PCDHA3: variants seen among roughly 807,000 people sequenced by gnomAD.
PCDHA3 encodes the protein protocadherin alpha-3.
In PCDHA3, 41 loss-of-function variants were observed where a neutral mutation model predicts 62.2. The observed-to-expected ratio is 0.66, with a 90% CI of 0.51 to 0.86. The LOEUF (loss-of-function observed/expected upper bound fraction) is 0.86. Ranked by LOEUF, PCDHA3 falls within the 40% of genes least tolerant of loss-of-function variation. PCDHA3 has a pLI of 0.00. For missense variants in PCDHA3, 1,304 were observed against 1,241.2 expected (o/e 1.05, Z -0.76); for synonymous variants, 640 against 555.4 (o/e 1.15, Z -2.14).
intron 1 of PCDHA3, among the ~76,000 whole-genome samples, chr5:140,930,805 A>T (rs2087129378): frequency 6.6e-6 from 1 of 152,218 alleles, no homozygotes; most frequent in Non-Finnish European, 1.5e-5. Flanking sequence ...CCAGCATATA[A>T]GATATGCTTA....
At position 140,859,256 on chromosome 5, in the gene PCDHA3, G is replaced by T. The variant is rs182882850; in HGVS notation, c.2394+55665G>T. ...TCATGCTTATGTTTAATAATGAAGA[G>T]AATTTGAACACTTTTTACTTTTGAG... is the stretch of plus-strand genomic sequence containing the variant. On this transcript the variant is annotated intron_variant, in intron 1 of 3. Coordinates refer to ENST00000522353, the MANE Select transcript of PCDHA3 (RefSeq NM_018906.3). The T allele has an allele frequency of 2.0e-4, 26 of 131,456 alleles. 1 individual carries two copies. The East Asian group carries it at 5.2e-3, about 26-fold the overall frequency. The allele number at this position is 131,456 out of a possible 1,614,324, so 8.1% of individuals were successfully genotyped here.
At chr5:140,919,713 G>C (rs1370532221) in intron 1 of PCDHA3, among the ~76,000 whole-genome samples, 1 of 152,096 alleles carries the variant, frequency 6.6e-6, no homozygotes, top group African/African-American at 2.4e-5. Context: ...ATTCTAGTGA[G>C]ATATAAATAT....
At chr5:140,836,780 T>G in intron 1 of PCDHA3, 1 of 1,484,830 alleles carries the variant, frequency 6.7e-7, no homozygotes, top group East Asian at 2.3e-5. Flanking sequence ...TTTAAAACAA[T>G]TAGTTCAATT....
At chr5:140,918,560 G>A (rs1243205653) in intron 1 of PCDHA3, among the ~76,000 whole-genome samples, 1 of 152,180 alleles carries the variant, frequency 6.6e-6, no homozygotes, top group Non-Finnish European at 1.5e-5. Context: ...TGAGAAGAAT[G>A]TATATTATGC....
intron 1 of PCDHA3, chr5:140,856,437 C>T (rs2043996083): frequency 1.9e-6 from 3 of 1,598,304 alleles, no homozygotes; most frequent in Non-Finnish European, 1.7e-6. Flanking sequence ...GACAACCCGC[C>T]CAGGTTCTCC....
Position 140,918,290 on chromosome 5 carries a change from C to A in PCDHA3, c.2395-60659C>A, listed in dbSNP as rs188994807. ...TTTATCAGATGTAGGAGCTTTTTGG[C>A]AGAGAATATAGGGTTTTCTAGGTAT... On this transcript the variant is annotated intron_variant, in intron 1 of 3. Transcript: ENST00000522353. Among the ~76,000 whole-genome samples the A allele has an allele frequency of 2.1e-3, 321 of 152,226 alleles. 1 individual carries two copies. Among genetic ancestry groups the A allele is most frequent in the African/African-American group, 7.5e-3 (313 of 41,534 alleles).
At chr5:140,967,783 C>T (rs1554229939) in intron 1 of PCDHA3, 1 of 1,614,186 alleles carries the variant, frequency 6.2e-7, no homozygotes, top group Admixed American at 1.7e-5. Flanking sequence ...AGGCGACTGA[C>T]CGGGGTCCAG....
At chr5:140,862,741 G>A (rs2153223703) in intron 1 of PCDHA3, 1 of 577,348 alleles carries the variant, frequency 1.7e-6, no homozygotes. Context: ...CTATGTGTGG[G>A]TGCACGCGGA....
intron 1 of PCDHA3, chr5:140,857,722 C>T (rs371525843): frequency 4.4e-6 from 7 of 1,597,318 alleles, no homozygotes; most frequent in African/African-American, 2.7e-5. Flanking sequence ...TGGACGAGAA[C>T]GACAACGCTC....
intron 1 of PCDHA3, among the ~76,000 whole-genome samples, chr5:140,908,899 C>CT (rs1382483322): frequency 6.6e-6 from 1 of 152,194 alleles, no homozygotes; most frequent in Non-Finnish European, 1.5e-5. Flanking sequence ...AAATAAGCCT[C>CT]TTTCGTGGTT....
chr5:140,972,515 G>A (rs572041832), intron 1 of PCDHA3, among the ~76,000 whole-genome samples: 1 of 152,166 alleles, frequency 6.6e-6, no homozygotes, highest in South Asian at 2.1e-4. Flanking sequence ...TTTACCCCCA[G>A]TGAGCTTATT....
At chr5:140,869,669 T>A in intron 1 of PCDHA3, 1 of 1,613,476 alleles carries the variant, frequency 6.2e-7, no homozygotes, top group South Asian at 1.1e-5. Flanking sequence ...GGTAAGCAGA[T>A]TAAAAGACTG....
intron 1 of PCDHA3, among the ~76,000 whole-genome samples, chr5:140,819,469 A>G (rs1456251463): frequency 6.6e-6 from 1 of 152,158 alleles, no homozygotes; most frequent in African/African-American, 2.4e-5. Flanking sequence ...ACTTCTGTTT[A>G]CACAATGATG....
intron 1 of PCDHA3, chr5:140,870,783 C>A: frequency 6.2e-7 from 1 of 1,613,598 alleles, no homozygotes; most frequent in Non-Finnish European, 8.5e-7. Context: ...AGAACGACAA[C>A]GCGCCGGCAC....
rs17844259 is a variant in PCDHA3 at position 140,802,489 on chromosome 5, G to A, written c.1292G>A (p.Gly431Asp). Reference sequence around the variant, plus strand: ...CTGGTGGTGACTGCTCGGGACGGGGGCTCGCCTTCACTGTGGGCCACGGCC... The same window carrying A: ...CTGGTGGTGACTGCTCGGGACGGGGACTCGCCTTCACTGTGGGCCACGGCC... The part of the protein sequence containing the change: ...YELVVTARDG[G>D]SPSLWATASV... Residue 431 changes from glycine (G) to aspartate (D), a missense_variant, in exon 1 of 4, where the codon GGC becomes GAC. Gly to Asp is a moderately conservative substitution (Grantham distance 94, BLOSUM62 -1). Coordinates refer to ENST00000522353, the MANE Select transcript of PCDHA3 (RefSeq NM_018906.3). The A allele has an allele frequency of 4.7e-4, 756 of 1,614,176 alleles. 7 individuals are homozygous for A. The East Asian group carries it at 0.016, about 34-fold the overall frequency.
intron 1 of PCDHA3, chr5:140,861,434 CA>C: frequency 4.1e-6 from 2 of 489,520 alleles, no homozygotes; most frequent in Non-Finnish European, 4.2e-6. Context: ...AGTTGGATTC[CA>C]AAAGCCGCAG....
intron 1 of PCDHA3, chr5:140,828,674 T>C: frequency 6.2e-7 from 1 of 1,614,218 alleles, no homozygotes; most frequent in Non-Finnish European, 8.5e-7. Context: ...AATTGGGCTC[T>C]TATTAAAGAA....
Position 140,802,931 on chromosome 5 carries a change from C to T in PCDHA3, c.1734C>T (p.Ser578=), listed in dbSNP as rs1166121837. 6 of 1,613,666 alleles carry T rather than the reference C, an allele frequency of 3.7e-6. No individual in the cohort carries two copies. The highest frequency in any genetic ancestry group is 3.3e-5 in the Admixed American group (2 of 59,982). Reference sequence around the variant, plus strand: ...TGGGTGGCATCGGTGGCGCAGTGAGCGAGCTGGTGCCGCGGTCAGTGGGTG... The same window carrying T: ...TGGGTGGCATCGGTGGCGCAGTGAGTGAGCTGGTGCCGCGGTCAGTGGGTG... ...PRVGGIGGAV[S]ELVPRSVGAG... Residue 578 remains serine, a synonymous_variant, in exon 1 of 4, where the codon AGC becomes AGT. Transcript: ENST00000522353.
chr5:140,995,949 G>T (rs781875497), intron 3 of PCDHA3, among the ~76,000 whole-genome samples: 1 of 152,160 alleles, frequency 6.6e-6, no homozygotes, highest in African/African-American at 2.4e-5. Context: ...CATAATGCAC[G>T]CAAAATGCTT....
Sources: gnomAD v4.1 joint callset for allele counts (sites outside exome capture counted in the v4.1 genomes callset) on GRCh38, gnomAD v4.1.1 for gene constraint, MANE v1.5 for transcripts, NCBI Gene and HGNC (gene_info 2026-07-23, HGNC 2026-07-21) for gene names.